TMEM221: variants seen among roughly 807,000 people sequenced by gnomAD.
TMEM221 encodes the protein Putative transmembrane protein ENSP00000342162.
Under a neutral mutation model 10.2 loss-of-function variants are expected in TMEM221, and 11 were observed. The ratio of observed to expected loss-of-function variants is 1.08; its 90% CI spans 0.68 to 1.79. The LOEUF is 1.79. Ranked by LOEUF, TMEM221 falls within the 40% of genes most tolerant of loss-of-function variation. The pLI is 0.00. For synonymous variants in TMEM221, 172 were observed against 199.8 expected (o/e 0.86, Z 1.18); for missense variants, 382 against 417.7 (o/e 0.91, Z 0.75).
chr19:17,448,661 C>G lies in TMEM221; in HGVS notation c.-199G>C. On this transcript the variant is annotated 5_prime_UTR_variant, in exon 1 of 3. Transcript: ENST00000341130. This position sits in a 1 kb window ranked among gnomAD's most constrained non-coding sequence, Gnocchi z 4.7. ...GGGGTGCTGGTCGCAGCCGGGACGCCGAATCTCCGCGAAAACTTGGGACAA... is the reference window on the plus strand; with the variant it reads ...GGGGTGCTGGTCGCAGCCGGGACGCGGAATCTCCGCGAAAACTTGGGACAA... The G allele has an allele frequency of 2.7e-6, 1 of 371,282 alleles. No homozygotes were observed. Among genetic ancestry groups the G allele is most frequent in the Middle Eastern group, 7.3e-4 (1 of 1,374 alleles). 23.0% of individuals were successfully genotyped at this position (371,282 alleles called of 1,614,324 possible).
At chr19:17,437,713 G>C (rs2074915056) in intron 2 of TMEM221, among the ~76,000 whole-genome samples, 1 of 152,108 alleles carries the variant, frequency 6.6e-6, no homozygotes, top group Admixed American at 6.6e-5. Context: ...GGGTGACAGA[G>C]TGAGACTCAG....
Position 17,436,023 on chromosome 19 carries a change from G to A in TMEM221, c.*435C>T, listed in dbSNP as rs1314904550. ...CCCCTGGTGAGTCACTGCCTCTCTT[G>A]GGGCCTCCGTTTCCTCATCTGTGAA... On this transcript the variant is annotated 3_prime_UTR_variant, in exon 3 of 3. Coordinates refer to ENST00000341130, the MANE Select transcript of TMEM221 (RefSeq NM_001190844.2). 6.4e-6 allele frequency: 1 copy of A among 156,208 alleles called. No individual in the cohort carries two copies. The highest frequency in any genetic ancestry group is 2.4e-5 in the African/African-American group (1 of 41,612). The allele number at this position is 156,208 out of a possible 1,614,324, so 9.7% of individuals were successfully genotyped here.
intron 2 of TMEM221, among the ~76,000 whole-genome samples, chr19:17,438,319 C>T (rs2074917981): frequency 6.6e-6 from 1 of 152,086 alleles, no homozygotes; most frequent in Non-Finnish European, 1.5e-5. Flanking sequence ...AACTCCTGAC[C>T]TCAGGTGATC....
chr19:17,448,156 G>A lies in TMEM221; in HGVS notation c.307C>T (p.Pro103Ser). 7.1e-7 allele frequency: 1 copy of A among 1,418,384 alleles called. No individual in the cohort carries two copies. 87.9% of individuals were successfully genotyped at this position (1,418,384 alleles called of 1,614,324 possible). A position where few individuals can be genotyped will look rare whatever the true frequency, so the allele number is the denominator to read the frequency against. ...CAGTCCTCCTACCTCCTGGGGCCAG[G>A]CCCCCGCGCCAGCTCGGCGCCCAGG... The part of the protein sequence containing the change: ...GHLGAELARG[P>S]GPRRSDWFLY... Residue 103 changes from proline to serine, a missense_variant, in exon 1 of 3, where the codon CCT becomes TCT. Transcript: ENST00000341130. The surrounding 1 kb of genome is among the most constrained non-coding windows in gnomAD (Gnocchi z 4.7).
chr19:17,443,628 G>A (rs1467974727), intron 2 of TMEM221, among the ~76,000 whole-genome samples: 1 of 151,856 alleles, frequency 6.6e-6, no homozygotes, highest in Non-Finnish European at 1.5e-5. Context: ...GAGCCACCGC[G>A]CCCGGCCTAA....
chr19:17,442,105 T>C (rs1308089439), intron 2 of TMEM221, among the ~76,000 whole-genome samples: 1 of 152,152 alleles, frequency 6.6e-6, no homozygotes, highest in East Asian at 1.9e-4. Flanking sequence ...ATATTTCTGT[T>C]GGCCTGTGCA....
intron 2 of TMEM221, among the ~76,000 whole-genome samples, chr19:17,437,321 G>T (rs545154464): frequency 6.6e-6 from 1 of 152,340 alleles, no homozygotes; most frequent in Admixed American, 6.5e-5. Context: ...AGACCCTGGG[G>T]AAGAAGCAGC....
chr19:17,444,186 T>G (rs2074943249), intron 2 of TMEM221, among the ~76,000 whole-genome samples: 1 of 150,118 alleles, frequency 6.7e-6, no homozygotes, highest in African/African-American at 2.5e-5. Flanking sequence ...GTTCAAGTGA[T>G]TCCCCTGCCT....
chr19:17,445,718 T>G (rs890022252), intron 1 of TMEM221, among the ~76,000 whole-genome samples: 6 of 150,256 alleles, frequency 4.0e-5, no homozygotes, highest in Admixed American at 2.6e-4. Flanking sequence ...ATCTGTCCAC[T>G]TATCCATCCA....
chr19:17,446,899 T>G (rs957801376), intron 1 of TMEM221, among the ~76,000 whole-genome samples: 2 of 152,016 alleles, frequency 1.3e-5, no homozygotes, highest in African/African-American at 4.8e-5. Flanking sequence ...ACCTAGCTAA[T>G]TATTATTTTT....
chr19:17,445,899 C>A lies in TMEM221; in HGVS notation c.321-615G>T, dbSNP rs1335334808. On this transcript the variant is annotated intron_variant, in intron 1 of 2. Transcript: ENST00000341130. ...CCATCGGCCCCACCCATTCATCCAT[C>A]CATACAATCATTTAGATATCCACCA... 2.0e-5 allele frequency among the ~76,000 whole-genome samples: 3 copies of A among 149,680 alleles called. No homozygotes were observed. In the Admixed American group the frequency reaches 2.0e-4, roughly 10 times the overall value.
At chr19:17,446,193 CATCCATCCATCT>C (rs1001601400) in intron 1 of TMEM221, among the ~76,000 whole-genome samples, 18 of 135,414 alleles carry the variant, frequency 1.3e-4, no homozygotes, top group Admixed American at 5.2e-4. Context: ...CTCATCCATC[CATCCATCCATCT>C]ATCCATCCAT....
intron 1 of TMEM221, among the ~76,000 whole-genome samples, chr19:17,446,276 C>T (rs1406194701): frequency 6.6e-6 from 1 of 152,180 alleles, no homozygotes; most frequent in African/African-American, 2.4e-5. Context: ...TATAACCCAT[C>T]TATATGCATG....
At position 17,436,495 on chromosome 19, in the gene TMEM221, C is replaced by G; in HGVS notation, c.839G>C (p.Arg280Thr). 6.5e-7 allele frequency: 1 copy of G among 1,532,862 alleles called. No individual in the cohort carries two copies. The highest frequency in any genetic ancestry group is 8.7e-7 in the Non-Finnish European group (1 of 1,144,594). The allele number at this position is 1,532,862 out of a possible 1,614,324, so 95.0% of individuals were successfully genotyped here. A position where few individuals can be genotyped will look rare whatever the true frequency, so the allele number is the denominator to read the frequency against. The change falls in exon 3 of 3, where the codon AGA (arginine) becomes ACA (threonine). Residue 280 changes from arginine (R) to threonine (T), a missense_variant. Physicochemically the swap from Arg to Thr is moderately conservative, Grantham distance 71. Transcript: ENST00000341130. ...GGAGTCCTTCCCCATGCTCCCTGGT[C>G]TGTGGCCCAGCATTCGACGCATCTC... is the stretch of plus-strand genomic sequence containing the variant. ...THEMRRMLGH[R>T]PGSMGKDSTL...
chr19:17,444,528 T>TTC (rs1459116765), intron 2 of TMEM221, among the ~76,000 whole-genome samples: 2 of 140,872 alleles, frequency 1.4e-5, no homozygotes, highest in East Asian at 4.0e-4. Context: ...CTTTTTTTTT[T>TTC]TTTTTTTTTT....
At chr19:17,442,127 C>T (rs1490897369) in intron 2 of TMEM221, among the ~76,000 whole-genome samples, 1 of 152,106 alleles carries the variant, frequency 6.6e-6, no homozygotes, top group Non-Finnish European at 1.5e-5. Context: ...AGACTCAAGG[C>T]TCCAGGCATC....
intron 1 of TMEM221, among the ~76,000 whole-genome samples, chr19:17,445,907 T>C (rs939651552): frequency 2.8e-5 from 4 of 143,500 alleles, no homozygotes; most frequent in African/African-American, 1.0e-4. Context: ...ATCCATACAA[T>C]CATTTAGATA....
At chr19:17,444,555 G>T (rs1389393822) in intron 2 of TMEM221, among the ~76,000 whole-genome samples, 4 of 113,830 alleles carry the variant, frequency 3.5e-5, no homozygotes, top group Admixed American at 1.1e-4. Context: ...ATAGGGTCTC[G>T]CTGTATCACC....
At position 17,448,192 on chromosome 19, in the gene TMEM221, G is replaced by T; in HGVS notation, c.271C>A (p.Leu91Ile). 7.0e-7 allele frequency: 1 copy of T among 1,436,540 alleles called. No homozygotes were observed. Among genetic ancestry groups the T allele is most frequent in the East Asian group, 3.0e-5 (1 of 32,964 alleles). The allele number at this position is 1,436,540 out of a possible 1,614,324, so 89.0% of individuals were successfully genotyped here. A position where few individuals can be genotyped will look rare whatever the true frequency, so the allele number is the denominator to read the frequency against. ...AGCTCGGCGCCCAGGTGGCCACAGA[G>T]CGCGGCGAGCAGCAAGCAGGTGAAC... Reference protein sequence around the residue: ...LGFTCLLLAALCGHLGAELAR... With the variant: ...LGFTCLLLAAICGHLGAELAR... The change falls in exon 1 of 3, where the codon CTC becomes ATC. Residue 91 changes from leucine to isoleucine, a missense_variant. Physicochemically the swap from Leu to Ile is conservative, Grantham distance 5 (BLOSUM62 2). Coordinates refer to ENST00000341130, the MANE Select transcript of TMEM221 (RefSeq NM_001190844.2). This position sits in a 1 kb window ranked among gnomAD's most constrained non-coding sequence, Gnocchi z 4.7.
Sources: allele counts gnomAD v4.1 joint callset (sites outside exome capture counted in the v4.1 genomes callset), GRCh38; gene constraint gnomAD v4.1.1; non-coding constraint Gnocchi (gnomAD v3.1); transcripts MANE v1.5; gene names NCBI Gene and HGNC (gene_info 2026-07-23, HGNC 2026-07-21).